Variants in GRIK4 observed in about 807,000 individuals in gnomAD.
The protein encoded by GRIK4 is glutamate receptor ionotropic, kainate 4.
Under a neutral mutation model 104.9 loss-of-function variants are expected in GRIK4, and 40 were observed. The observed-to-expected ratio is 0.38, with a 90% CI of 0.30 to 0.50. The LOEUF (loss-of-function observed/expected upper bound fraction) is 0.50, where lower values mean the gene tolerates loss of function less well. GRIK4 is among the 20% of genes least tolerant of loss of function. The probability of loss-of-function intolerance (pLI) is 0.93; values close to 1 mark genes in which losing one functional copy is unlikely to be tolerated. For synonymous variants in GRIK4, 485 were observed against 524.9 expected (o/e 0.92, Z 1.04); for missense variants, 1,047 against 1,308.1 (o/e 0.80, Z 3.08).
intron 1 of GRIK4, among the ~76,000 whole-genome samples, chr11:120,642,978 C>G (rs1192272880): frequency 6.6e-6 from 1 of 152,182 alleles, no homozygotes; most frequent in Non-Finnish European, 1.5e-5. Flanking sequence ...CCTCCACTTG[C>G]ACTGGGAGTG....
intron 3 of GRIK4, among the ~76,000 whole-genome samples, chr11:120,701,927 AG>A (rs1379581770): frequency 1.3e-5 from 2 of 149,720 alleles, no homozygotes; most frequent in African/African-American, 4.9e-5. Flanking sequence ...TGTGTAAGAG[AG>A]ACAGATCAAG....
chr11:120,787,922 G>T (rs1407633867), intron 3 of GRIK4, among the ~76,000 whole-genome samples: 5 of 121,672 alleles, frequency 4.1e-5, no homozygotes, highest in African/African-American at 1.3e-4. Flanking sequence ...GAGTGCAGTG[G>T]CATGATCTCG....
intron 1 of GRIK4, among the ~76,000 whole-genome samples, chr11:120,529,922 C>G (rs979224116): frequency 6.6e-6 from 1 of 152,182 alleles, no homozygotes; most frequent in Non-Finnish European, 1.5e-5. Context: ...TGGCATGCCC[C>G]GAGTCACACA....
chr11:120,582,627 T>C (rs79294012), intron 1 of GRIK4, among the ~76,000 whole-genome samples: 1 of 152,206 alleles, frequency 6.6e-6, no homozygotes, highest in Non-Finnish European at 1.5e-5. Context: ...TCTGTTCTCA[T>C]GTTAGTTTGC....
At chr11:120,798,397 A>G (rs888411164) in intron 3 of GRIK4, among the ~76,000 whole-genome samples, 2 of 151,896 alleles carry the variant, frequency 1.3e-5, no homozygotes, top group African/African-American at 4.8e-5. Context: ...GACCTCACGC[A>G]GGTAATCCAC....
Position 120,986,290 on chromosome 11 carries a change from G to A in GRIK4, c.*30G>A. ...GGAGGCCACAGGACGCGCAGAGGCC[G>A]GGCGGGGCGGGAGGGGAGGGGCGGG... On this transcript the variant is annotated 3_prime_UTR_variant, in exon 21 of 21. Transcript: ENST00000527524. 9.7e-7 allele frequency: 1 copy of A among 1,035,554 alleles called. No individual in the cohort carries two copies. Among genetic ancestry groups the A allele is most frequent in the South Asian group, 1.5e-5 (1 of 66,548 alleles). The allele number at this position is 1,035,554 out of a possible 1,614,324, so 64.1% of individuals were successfully genotyped here.
At chr11:120,763,744 T>C (rs907770196) in intron 3 of GRIK4, among the ~76,000 whole-genome samples, 2 of 152,220 alleles carry the variant, frequency 1.3e-5, no homozygotes, top group South Asian at 2.1e-4. Flanking sequence ...TTCCATGTAG[T>C]TGTGCAGTTT....
Position 120,513,504 on chromosome 11 carries a change from C to T in GRIK4, c.-159+1617C>T, listed in dbSNP as rs1374796815. 6.6e-6 allele frequency among the ~76,000 whole-genome samples: 1 copy of T among 152,240 alleles called. No homozygotes were observed. The highest frequency in any genetic ancestry group is 2.4e-5 in the African/African-American group (1 of 41,454). On this transcript the variant is annotated intron_variant, in intron 1 of 20. Transcript: ENST00000527524. The surrounding 1 kb of genome is among the most constrained non-coding windows in gnomAD (Gnocchi z 4.5). ...GGCGTCATCATGCTGGCTTTATTTGCTGAAGCTGCAGCTCAGGCTTCATCA... is the reference window on the plus strand; with the variant it reads ...GGCGTCATCATGCTGGCTTTATTTGTTGAAGCTGCAGCTCAGGCTTCATCA...
chr11:120,665,455 A>G (rs1160459893), intron 3 of GRIK4, among the ~76,000 whole-genome samples: 1 of 152,166 alleles, frequency 6.6e-6, no homozygotes, highest in Non-Finnish European at 1.5e-5. Context: ...GATTTCTAGG[A>G]CATAAATCTC....
chr11:120,943,793 G>A (rs1432708588), intron 14 of GRIK4, among the ~76,000 whole-genome samples: 2 of 152,170 alleles, frequency 1.3e-5, no homozygotes, highest in Non-Finnish European at 2.9e-5. Flanking sequence ...GTGTGCGAAT[G>A]TAAAAATAAT....
chr11:120,546,485 T>G (rs965539422), intron 1 of GRIK4, among the ~76,000 whole-genome samples: 1 of 152,204 alleles, frequency 6.6e-6, no homozygotes, highest in African/African-American at 2.4e-5. Context: ...ACATGGTTTC[T>G]GTGCCTGCCC....
At chr11:120,528,709 AAG>A (rs1434797340) in intron 1 of GRIK4, among the ~76,000 whole-genome samples, 13 of 152,208 alleles carry the variant, frequency 8.5e-5, no homozygotes, top group Admixed American at 6.5e-5. Context: ...GCAGCAGGCA[AAG>A]AGAGAGCTTG....
Position 120,940,486 on chromosome 11 carries a change from T to A in GRIK4, c.1590+26T>A. ...GTAAGAGACTTATTTTATAAGCATT[T>A]ATGTCATTAAAGTTATTTGCATGCA... On this transcript the variant is annotated intron_variant, in intron 14 of 20. Coordinates refer to ENST00000527524, the MANE Select transcript of GRIK4 (RefSeq NM_014619.5). The surrounding 1 kb of genome is among the most constrained non-coding windows in gnomAD (Gnocchi z 4.3). The A allele has an allele frequency of 7.8e-7, 1 of 1,289,668 alleles. No homozygotes were observed. The highest frequency in any genetic ancestry group is 1.1e-6 in the Non-Finnish European group (1 of 888,692). 79.9% of individuals were successfully genotyped at this position (1,289,668 alleles called of 1,614,324 possible).
intron 19 of GRIK4, among the ~76,000 whole-genome samples, chr11:120,971,919 C>T (rs1944481787): frequency 1.3e-5 from 2 of 152,234 alleles, no homozygotes; most frequent in South Asian, 4.1e-4. Flanking sequence ...TGCAACCAAT[C>T]TGTCTCACGC....
intron 11 of GRIK4, among the ~76,000 whole-genome samples, chr11:120,876,007 G>GCACT (rs1954778649): frequency 3.3e-5 from 5 of 152,106 alleles, no homozygotes; most frequent in Admixed American, 2.6e-4. Context: ...AATACAGCAA[G>GCACT]AAGTGGGTAC....
At chr11:120,598,325 T>C (rs1336635598) in intron 1 of GRIK4, among the ~76,000 whole-genome samples, 2 of 152,170 alleles carry the variant, frequency 1.3e-5, no homozygotes, top group Non-Finnish European at 2.9e-5. Context: ...AGAGTTAGTG[T>C]CTTGCCCAAG....
chr11:120,748,091 G>A (rs1344280316), intron 3 of GRIK4, among the ~76,000 whole-genome samples: 1 of 152,184 alleles, frequency 6.6e-6, no homozygotes, highest in Admixed American at 6.5e-5. Flanking sequence ...GCTCTGAGGA[G>A]CAGCCTTCAG....
intron 8 of GRIK4, among the ~76,000 whole-genome samples, chr11:120,843,780 A>C (rs562239591): frequency 3.9e-5 from 6 of 152,134 alleles, no homozygotes; most frequent in Admixed American, 3.9e-4. Flanking sequence ...GTTTCATCCT[A>C]TATGTGGTTT....
Position 120,735,377 on chromosome 11 carries a change from C to A in GRIK4, c.83-67316C>A, listed in dbSNP as rs143412147. Reference sequence around the variant, plus strand: ...GACTCTTGTTCTCTTCCCTTAGTTTCTCTCAAACAAATGGCATATTTCTCT... The same window carrying A: ...GACTCTTGTTCTCTTCCCTTAGTTTATCTCAAACAAATGGCATATTTCTCT... On this transcript the variant is annotated intron_variant, in intron 3 of 20. Transcript: ENST00000527524. Among the ~76,000 whole-genome samples the A allele has an allele frequency of 2.4e-3, 364 of 152,276 alleles. 1 individual carries two copies. The highest frequency in any genetic ancestry group is 6.8e-3 in the Middle Eastern group (2 of 294).
Sources: gnomAD v4.1 joint callset for allele counts (sites outside exome capture counted in the v4.1 genomes callset) on GRCh38, gnomAD v4.1.1 for gene constraint, Gnocchi (gnomAD v3.1) non-coding constraint, MANE v1.5 for transcripts, NCBI Gene and HGNC (gene_info 2026-07-23, HGNC 2026-07-21) for gene names.